PLCL2: variants seen among roughly 807,000 people sequenced by gnomAD.
PLCL2 encodes inactive phospholipase C-like protein 2.
A neutral mutation model predicts 79.6 loss-of-function variants in PLCL2; 4 were observed. The observed-to-expected ratio is 0.05, with a 90% CI of 0.02 to 0.11. The LOEUF is 0.11. PLCL2 is among the 10% of genes least tolerant of loss of function. PLCL2 has a pLI of 1.00. For synonymous variants in PLCL2, 484 were observed against 457.7 expected (o/e 1.06, Z -0.73); for missense variants, 895 against 1,291.0 (o/e 0.69, Z 4.70).
intron 1 of PLCL2, among the ~76,000 whole-genome samples, chr3:16,913,284 G>T (rs1395611389): frequency 2.0e-5 from 3 of 151,552 alleles, no homozygotes; most frequent in African/African-American, 7.3e-5. Flanking sequence ...TCTCCTTTTG[G>T]TTAGCAAGCC....
At chr3:16,999,060 A>G (rs148110654) in intron 1 of PLCL2, among the ~76,000 whole-genome samples, 1 of 152,332 alleles carries the variant, frequency 6.6e-6, no homozygotes, top group Non-Finnish European at 1.5e-5. Context: ...TATGGGGATC[A>G]TTGCTTCAAA....
At chr3:17,022,373 A>G (rs1559522250) in intron 3 of PLCL2, among the ~76,000 whole-genome samples, 1 of 152,104 alleles carries the variant, frequency 6.6e-6, no homozygotes, top group Non-Finnish European at 1.5e-5. Flanking sequence ...TTGCTCCTGT[A>G]TAATTTCTTC....
At chr3:16,990,733 A>G (rs1391139087) in intron 1 of PLCL2, among the ~76,000 whole-genome samples, 1 of 152,222 alleles carries the variant, frequency 6.6e-6, no homozygotes, top group African/African-American at 2.4e-5. Flanking sequence ...CATTTTATAA[A>G]ATAGCAGCTG....
intron 1 of PLCL2, among the ~76,000 whole-genome samples, chr3:16,936,894 AATCTT>A (rs368414845): frequency 3.2e-4 from 48 of 152,254 alleles, no homozygotes; most frequent in East Asian, 2.9e-3. Flanking sequence ...TTAACCCTTC[AATCTT>A]ATCTTTATAG....
chr3:16,960,685 C>A (rs2063746774), intron 1 of PLCL2, among the ~76,000 whole-genome samples: 1 of 152,168 alleles, frequency 6.6e-6, no homozygotes, highest in Non-Finnish European at 1.5e-5. Context: ...GAAGTCAGTC[C>A]TGTAATTGAG....
intron 1 of PLCL2, among the ~76,000 whole-genome samples, chr3:16,993,897 A>G (rs999020479): frequency 2.0e-5 from 3 of 152,162 alleles, no homozygotes; most frequent in Non-Finnish European, 2.9e-5. Context: ...TCTTAATCAT[A>G]TGTTCTGTGG....
intron 1 of PLCL2, among the ~76,000 whole-genome samples, chr3:17,006,161 A>G (rs1420740981): frequency 2.0e-5 from 3 of 152,242 alleles, no homozygotes; most frequent in African/African-American, 4.8e-5. Flanking sequence ...ACAAGGCAGC[A>G]TAAACAATAG....
In PLCL2 at chr3:16,949,126, T is replaced by TG. The variant is rs1038726129; in HGVS notation, c.328-60546dup. Among the ~76,000 whole-genome samples the TG allele has an allele frequency of 4.6e-5, 7 of 152,304 alleles. No homozygotes were observed. The East Asian group carries it at 1.3e-3, about 29-fold the overall frequency. Reference sequence around the variant, plus strand: ...TTTTCCTGATTTGGGCTATTATGAGTGGTTCAGCAGTAGAATCCTAGTACA... The same window carrying TG: ...TTTTCCTGATTTGGGCTATTATGAGTGGGTTCAGCAGTAGAATCCTAGTACA... On this transcript the variant is annotated intron_variant, in intron 1 of 5. Transcript: ENST00000615277.
chr3:16,946,833 AT>A (rs560625432), intron 1 of PLCL2, among the ~76,000 whole-genome samples: 9 of 151,914 alleles, frequency 5.9e-5, no homozygotes, highest in Non-Finnish European at 1.3e-4. Flanking sequence ...TTCTTATAAT[AT>A]TTTAAAATTA....
rs959603749 is a variant in PLCL2, at chr3:17,010,980, C to T, written c.1634C>T (p.Thr545Ile). 2 of 1,613,808 alleles carry T rather than the reference C, an allele frequency of 1.2e-6. No homozygotes were observed. The highest frequency in any genetic ancestry group is 1.3e-5 in the African/African-American group (1 of 74,944). The part of the protein sequence containing the change: ...MKKLLGDKLY[T>I]TSPNVEESYL... ...AAACTTTTAGGAGACAAGCTCTATA[C>T]AACATCACCCAATGTTGAGGAATCT... Residue 545 changes from threonine (T) to isoleucine (I), a missense_variant, in exon 2 of 6, where the codon ACA (threonine) becomes ATA (isoleucine). Thr to Ile is a moderately conservative substitution (Grantham distance 89). Coordinates refer to ENST00000615277, the MANE Select transcript of PLCL2 (RefSeq NM_001144382.2). This position sits in a 1 kb window ranked among gnomAD's most constrained non-coding sequence, Gnocchi z 5.8.
intron 1 of PLCL2, among the ~76,000 whole-genome samples, chr3:16,885,703 AT>A (rs2124911632): frequency 6.6e-6 from 1 of 152,296 alleles, no homozygotes; most frequent in African/African-American, 2.4e-5. Context: ...TCCCTGTAAG[AT>A]TTCTATTGTA....
intron 1 of PLCL2, among the ~76,000 whole-genome samples, chr3:16,940,564 C>T (rs1307457290): frequency 2.6e-5 from 4 of 152,108 alleles, no homozygotes; most frequent in African/African-American, 9.7e-5. Context: ...GTGACAGGCT[C>T]AATCGTGCAC....
chr3:16,904,496 T>C (rs1274080892), intron 1 of PLCL2, among the ~76,000 whole-genome samples: 1 of 152,128 alleles, frequency 6.6e-6, no homozygotes, highest in African/African-American at 2.4e-5. Flanking sequence ...TCTCAGCCCT[T>C]TGAATGAGGC....
At chr3:16,898,625 C>A (rs1696541754) in intron 1 of PLCL2, among the ~76,000 whole-genome samples, 1 of 152,134 alleles carries the variant, frequency 6.6e-6, no homozygotes, top group South Asian at 2.1e-4. Flanking sequence ...GGCAGTGGCC[C>A]TGACCTGTCC....
chr3:17,025,072 G>A (rs1267924650), intron 3 of PLCL2, among the ~76,000 whole-genome samples: 4 of 152,134 alleles, frequency 2.6e-5, no homozygotes, highest in Admixed American at 6.6e-5. Flanking sequence ...TCCTAATGGT[G>A]GCAACTTCTG....
In PLCL2 at chr3:16,885,363, C is replaced by A. The variant is rs1195023883; in HGVS notation, c.324C>A (p.Ile108=). 6.3e-6 allele frequency: 4 copies of A among 634,674 alleles called. No individual in the cohort carries two copies. The Admixed American group carries it at 7.4e-5, about 12-fold the overall frequency. The allele number at this position is 634,674 out of a possible 1,614,324, so 39.3% of individuals were successfully genotyped here. Residue 108 remains isoleucine, a synonymous_variant, in exon 1 of 6, where the codon ATC becomes ATA. Transcript: ENST00000615277. ...GCCTGCCCCGCCGGAGCAGCATCAT[C>A]AAGGTAGGTGGGAGAAGGGCGCTCA... ...PGGLPRRSSI[I]KDGTKQKRER...
Position 17,011,177 on chromosome 3 carries a change from C to A in PLCL2, c.1831C>A (p.Arg611=). The A allele has an allele frequency of 6.2e-7, 1 of 1,614,126 alleles. No homozygotes were observed. The highest frequency in any genetic ancestry group is 1.3e-5 in the African/African-American group (1 of 75,028). The change falls in exon 2 of 6, where the codon CGA becomes AGA. Residue 611 remains arginine (R), a synonymous_variant. Coordinates refer to ENST00000615277, the MANE Select transcript of PLCL2 (RefSeq NM_001144382.2). This position sits in a 1 kb window ranked among gnomAD's most constrained non-coding sequence, Gnocchi z 7.9. ...GCAACCCAATAATGTGCCTGTGAAG[C>A]GATTTCAGCTTTGTAAAGAACTGTC... The part of the protein sequence containing the change: ...MEQPNNVPVK[R]FQLCKELSEL...
chr3:16,960,101 T>C (rs1341621063), intron 1 of PLCL2, among the ~76,000 whole-genome samples: 4 of 151,806 alleles, frequency 2.6e-5, no homozygotes, highest in Non-Finnish European at 2.9e-5. Context: ...GAAGACTCCA[T>C]CTCAAAAAAA....
chr3:17,028,856 G>A (rs936524166), intron 3 of PLCL2, among the ~76,000 whole-genome samples: 3 of 152,118 alleles, frequency 2.0e-5, no homozygotes, highest in African/African-American at 7.2e-5. Flanking sequence ...AGCACCGACA[G>A]CAGAACCTGG....
Sources: allele counts gnomAD v4.1 joint callset (sites outside exome capture counted in the v4.1 genomes callset), GRCh38; gene constraint gnomAD v4.1.1; non-coding constraint Gnocchi (gnomAD v3.1); transcripts MANE v1.5; gene names NCBI Gene and HGNC (gene_info 2026-07-23, HGNC 2026-07-21).